CELF1: variants seen among roughly 807,000 people sequenced by gnomAD.
CELF1 encodes 50 kDa nuclear polyadenylated RNA-binding protein.
Under a neutral mutation model 61.8 loss-of-function variants are expected in CELF1, and 10 were observed. The observed-to-expected ratio is 0.16, with a 90% CI of 0.10 to 0.27. The LOEUF (loss-of-function observed/expected upper bound fraction) is 0.27. Ranked by LOEUF, CELF1 falls within the 10% of genes least tolerant of loss-of-function variation. The pLI is 1.00. For missense variants in CELF1, 380 were observed against 639.1 expected, an observed-to-expected ratio of 0.59 and a Z score of 4.37; for synonymous variants, 236 against 225.1, an observed-to-expected ratio of 1.05 and a Z score of -0.43.
intron 3 of CELF1, among the ~76,000 whole-genome samples, chr11:47,490,199 G>A (rs1263521156): frequency 2.6e-5 from 4 of 151,726 alleles, no homozygotes; most frequent in African/African-American, 4.8e-5. Context: ...GCCTCCTAAA[G>A]TGCTGGGATT....
chr11:47,529,079 T>C (rs1451906911), intron 1 of CELF1, among the ~76,000 whole-genome samples: 2 of 144,958 alleles, frequency 1.4e-5, no homozygotes, highest in Non-Finnish European at 3.0e-5. Flanking sequence ...TTATTTTACT[T>C]TTTTTTTTTT....
chr11:47,564,560 G>C (rs1366250352), intron 1 of CELF1: 1 of 152,284 alleles, frequency 6.6e-6, no homozygotes, highest in Non-Finnish European at 1.5e-5. Flanking sequence ...AGCACTTTGG[G>C]AGGCTGAGGT....
At chr11:47,472,434 C>T (rs1212013098) in intron 14 of CELF1, 77 bp from the exon 15 acceptor site, 2 of 1,483,232 alleles carry the variant, frequency 1.3e-6, no homozygotes, top group Non-Finnish European at 1.9e-6. Context: ...TGCAAGATAC[C>T]TTATGTGCTT....
intron 1 of CELF1, among the ~76,000 whole-genome samples, chr11:47,547,784 G>A (rs2097014088): frequency 6.6e-6 from 1 of 151,634 alleles, no homozygotes; most frequent in Non-Finnish European, 1.5e-5. Flanking sequence ...AAAAAGCCAA[G>A]TATTACATGA....
intron 3 of CELF1, among the ~76,000 whole-genome samples, chr11:47,499,137 TA>T (rs879880120): frequency 1.1e-4 from 16 of 149,800 alleles, no homozygotes; most frequent in East Asian, 1.9e-4. Context: ...TGCTACAGTT[TA>T]AAAAAAAAAT....
At chr11:47,541,421 A>C (rs1256951393) in intron 1 of CELF1, among the ~76,000 whole-genome samples, 1 of 151,962 alleles carries the variant, frequency 6.6e-6, no homozygotes, top group Non-Finnish European at 1.5e-5. Context: ...CCAGGTGTGG[A>C]GGCTCACACT....
chr11:47,516,022 G>A (rs2095534163), intron 1 of CELF1, among the ~76,000 whole-genome samples: 1 of 151,466 alleles, frequency 6.6e-6, no homozygotes, highest in African/African-American at 2.4e-5. Context: ...GTTCAACATG[G>A]TGAAACCCTA....
At chr11:47,561,442 CAAAAAAA>C (rs35506289) in intron 2 of CELF1, among the ~76,000 whole-genome samples, 2 of 72,864 alleles carry the variant, frequency 2.7e-5, no homozygotes, top group Non-Finnish European at 2.3e-5. Flanking sequence ...GACTCCGTCT[CAAAAAAA>C]AAAAAAAAAA....
In CELF1 at chr11:47,531,018, G is replaced by A. The variant is rs367585191; in HGVS notation, c.-154+21974C>T. 2.2e-4 allele frequency among the ~76,000 whole-genome samples: 33 copies of A among 151,230 alleles called. 1 individual carries two copies. Among genetic ancestry groups the A allele is most frequent in the Non-Finnish European group, 4.3e-4 (29 of 67,814 alleles). On this transcript the variant is annotated intron_variant, in intron 1 of 14. Coordinates refer to ENST00000687097, the MANE Select transcript of CELF1 (RefSeq NM_001376376.1). ...TCCCAACACTTTGGGAGGCCGAGGC[G>A]GATGGATTCCCTGAGGTCAGGAGTT...
At chr11:47,530,360 G>T (rs2096425056) in intron 1 of CELF1, among the ~76,000 whole-genome samples, 1 of 152,086 alleles carries the variant, frequency 6.6e-6, no homozygotes, top group African/African-American at 2.4e-5. Flanking sequence ...TTCTGAACAT[G>T]GCTCTCTCCC....
Position 47,475,537 on chromosome 11 carries a change from A to G in CELF1, c.1088-16T>C. On this transcript the variant is annotated splice_polypyrimidine_tract_variant and intron_variant, in intron 12 of 14. Coordinates refer to ENST00000687097, the MANE Select transcript of CELF1 (RefSeq NM_001376376.1). ...GCAGCCATTCCTTGGTTGGAGGAAG[A>G]GAAGGATTAATATACTAGAAAGACT... 22 of 1,613,294 alleles carry G rather than the reference A, an allele frequency of 1.4e-5. No homozygotes were observed. Among genetic ancestry groups the G allele is most frequent in the Non-Finnish European group, 1.8e-5 (21 of 1,179,700 alleles).
chr11:47,477,760 T>G, intron 10 of CELF1: 1 of 229,498 alleles, frequency 4.4e-6, no homozygotes, highest in East Asian at 9.6e-5. Flanking sequence ...CAGCACAGAA[T>G]GGGACTGCAT....
At chr11:47,539,450 G>A (rs770931585) in intron 1 of CELF1, among the ~76,000 whole-genome samples, 2 of 152,088 alleles carry the variant, frequency 1.3e-5, no homozygotes, top group Non-Finnish European at 2.9e-5. Flanking sequence ...TCGGGAGTTC[G>A]AGACCAGTCA....
At chr11:47,489,935 G>GGTTTTTTTTTTTTTTT (rs1555170254) in intron 3 of CELF1, among the ~76,000 whole-genome samples, 1 of 48,226 alleles carries the variant, frequency 2.1e-5, no homozygotes, top group East Asian at 6.0e-4. Flanking sequence ...ATACCATCTT[G>GGTTTTTTTTTTTTTTT]TTTTTTTTTT....
intron 1 of CELF1, among the ~76,000 whole-genome samples, chr11:47,529,855 C>T (rs2096404389): frequency 6.6e-6 from 1 of 151,874 alleles, no homozygotes; most frequent in Admixed American, 6.6e-5. Context: ...GGGGACAGGA[C>T]ACCAGAGTAT....
In CELF1 at chr11:47,487,140, C is replaced by T; in HGVS notation, c.342+19G>A. On this transcript the variant is annotated intron_variant, in intron 5 of 14. Coordinates refer to ENST00000687097, the MANE Select transcript of CELF1 (RefSeq NM_001376376.1). Reference sequence around the variant, plus strand: ...ATCAAAGTTACCACATTTCCATTTACTAGTGGGAGCTTTCTTACCCCTGGG... The same window carrying T: ...ATCAAAGTTACCACATTTCCATTTATTAGTGGGAGCTTTCTTACCCCTGGG... 2 of 1,573,924 alleles carry T rather than the reference C, an allele frequency of 1.3e-6. No individual in the cohort carries two copies. Among genetic ancestry groups the T allele is most frequent in the South Asian group, 2.2e-5 (2 of 90,082 alleles).
intron 1 of CELF1, among the ~76,000 whole-genome samples, chr11:47,517,967 T>C (rs112053173): frequency 0.016 from 2,428 of 152,210 alleles, 51 homozygotes; most frequent in African/African-American, 0.048. Flanking sequence ...AAAGAAAACT[T>C]GAGCTTTTGG....
At chr11:47,560,467 G>C (rs188204118) in intron 2 of CELF1, among the ~76,000 whole-genome samples, 1 of 152,146 alleles carries the variant, frequency 6.6e-6, no homozygotes, top group African/African-American at 2.4e-5. Context: ...TTATCAATAT[G>C]TGTACATGAA....
intron 1 of CELF1, chr11:47,506,955 C>T (rs1222489764): frequency 6.6e-6 from 1 of 152,166 alleles, no homozygotes; most frequent in Non-Finnish European, 1.5e-5. Flanking sequence ...CTCATGACTC[C>T]AGATATATCA....
Sources: allele counts gnomAD v4.1 joint callset (sites outside exome capture counted in the v4.1 genomes callset), GRCh38; gene constraint gnomAD v4.1.1; transcripts MANE v1.5; gene names NCBI Gene and HGNC (gene_info 2026-07-23, HGNC 2026-07-21).